ARHGEF1: variants seen among roughly 807,000 people sequenced by gnomAD.
ARHGEF1 encodes the protein 115 kDa guanine nucleotide exchange factor.
Under a neutral mutation model 119.7 loss-of-function variants are expected in ARHGEF1, and 40 were observed. The observed-to-expected ratio is 0.33, with a 90% confidence interval of 0.26 to 0.44. ARHGEF1 has a LOEUF of 0.44. Ranked by LOEUF, ARHGEF1 falls within the 20% of genes least tolerant of loss-of-function variation. ARHGEF1 has a pLI of 1.00. For synonymous variants in ARHGEF1, 494 were observed against 521.0 expected (o/e 0.95, Z 0.71); for missense variants, 976 against 1,268.3 (o/e 0.77, Z 3.50).
At position 41,888,049 on chromosome 19, in the gene ARHGEF1, C is replaced by T; in HGVS notation, c.-19-15C>T. 3 of 1,611,778 alleles carry T rather than the reference C, an allele frequency of 1.9e-6. No homozygotes were observed. Among genetic ancestry groups the T allele is most frequent in the Non-Finnish European group, 8.5e-7 (1 of 1,179,688 alleles). On this transcript the variant is annotated splice_polypyrimidine_tract_variant and intron_variant, in intron 1 of 28. Transcript: ENST00000354532. The surrounding 1 kb of genome is among the most constrained non-coding windows in gnomAD (Gnocchi z 5.1). ...CCTCCCACCCTCCTAACCACAGCCC[C>T]TCCTCTTCCTCCAGCCCTGCAGAGC...
At position 41,905,763 on chromosome 19, in the gene ARHGEF1, C is replaced by T; in HGVS notation, c.2340C>T (p.Thr780=). The change falls in exon 25 of 29, where the codon ACC becomes ACT. Residue 780 remains threonine, a synonymous_variant. Transcript: ENST00000354532. This position sits in a 1 kb window ranked among gnomAD's most constrained non-coding sequence, Gnocchi z 6.4. ...ACCCAGCACTTCCTCCCCTCAGCACCCGAGAACCCCTCCTCAGCAGCTCTG... is the reference window on the plus strand; with the variant it reads ...ACCCAGCACTTCCTCCCCTCAGCACTCGAGAACCCCTCCTCAGCAGCTCTG... ...RPKPRPSPSS[T]REPLLSSSEN... is the part of the protein sequence containing the mutation. 6.2e-7 allele frequency: 1 copy of T among 1,614,054 alleles called. No individual in the cohort carries two copies. Among genetic ancestry groups the T allele is most frequent in the Non-Finnish European group, 8.5e-7 (1 of 1,179,994 alleles).
At position 41,905,337 on chromosome 19, in the gene ARHGEF1, CCAGAACCGTCTCTGTGTGAG is replaced by C. The variant is rs2074672453; in HGVS notation, c.2336+79_2336+98del. ...GCGGGGCAGGCTTCCCTCCACAACT[CCAGAACCGTCTCTGTGTGAG>C]CATGCACATGTGTGAATGCATGTGT... On this transcript the variant is annotated intron_variant, in intron 24 of 28. Coordinates refer to ENST00000354532, the MANE Select transcript of ARHGEF1 (RefSeq NM_004706.4). This position sits in a 1 kb window ranked among gnomAD's most constrained non-coding sequence, Gnocchi z 6.4. 2.3e-6 allele frequency: 3 copies of C among 1,293,302 alleles called. No homozygotes were observed. The Admixed American group carries it at 6.3e-5, about 27-fold the overall frequency. The allele number at this position is 1,293,302 out of a possible 1,614,324, so 80.1% of individuals were successfully genotyped here.
chr19:41,904,414 G>T lies in ARHGEF1; in HGVS notation c.2161+31G>T. ...TGCAGCCACTGCATGGCCCAGGGCA[G>T]AGGGTGTCTTTTTTGGGCAGAGCTG... On this transcript the variant is annotated intron_variant, in intron 22 of 28. Coordinates refer to ENST00000354532, the MANE Select transcript of ARHGEF1 (RefSeq NM_004706.4). This position sits in a 1 kb window ranked among gnomAD's most constrained non-coding sequence, Gnocchi z 8.4. The T allele has an allele frequency of 6.6e-7, 1 of 1,520,376 alleles. No individual in the cohort carries two copies. The allele number at this position is 1,520,376 out of a possible 1,614,324, so 94.2% of individuals were successfully genotyped here.
chr19:41,888,017 G>T lies in ARHGEF1; in HGVS notation c.-19-47G>T, dbSNP rs782533138. 3.1e-6 allele frequency: 5 copies of T among 1,589,872 alleles called. No individual in the cohort carries two copies. The South Asian group carries it at 5.7e-5, about 18-fold the overall frequency. Reference sequence around the variant, plus strand: ...AGGAATCTGTGAGTAACCACCCTGGGCCGCCTCCTCCCACCCTCCTAACCA... The same window carrying T: ...AGGAATCTGTGAGTAACCACCCTGGTCCGCCTCCTCCCACCCTCCTAACCA... On this transcript the variant is annotated intron_variant, in intron 1 of 28. Coordinates refer to ENST00000354532, the MANE Select transcript of ARHGEF1 (RefSeq NM_004706.4). The surrounding 1 kb of genome is among the most constrained non-coding windows in gnomAD (Gnocchi z 5.1).
At chr19:41,907,058 T>TC in intron 28 of ARHGEF1, 47 bp from the exon 29 acceptor site, 1 of 1,437,348 alleles carries the variant, frequency 7.0e-7, no homozygotes, top group Non-Finnish European at 9.1e-7. Flanking sequence ...TCTCCCTGTC[T>TC]CTCTCTCCAT....
Position 41,892,703 on chromosome 19 carries a change from C to G in ARHGEF1, c.468C>G (p.Asp156Glu). 1 of 1,613,556 alleles carries G rather than the reference C, an allele frequency of 6.2e-7. No homozygotes were observed. Among genetic ancestry groups the G allele is most frequent in the Non-Finnish European group, 8.5e-7 (1 of 1,179,798 alleles). ...QQVAVGRQLE[D>E]FRSKRLMGMT... ...TAGCCGTGGGCCGGCAGCTGGAGGA[C>G]TTCCGTTCCAAGCGGCTCATGGGCA... Residue 156 changes from aspartate (D) to glutamate (E), a missense_variant, in exon 7 of 29, where the codon GAC becomes GAG. Physicochemically the swap from Asp to Glu is conservative, Grantham distance 45. Coordinates refer to ENST00000354532, the MANE Select transcript of ARHGEF1 (RefSeq NM_004706.4). The surrounding 1 kb of genome is among the most constrained non-coding windows in gnomAD (Gnocchi z 6.3).
intron 1 of ARHGEF1, among the ~76,000 whole-genome samples, chr19:41,926,786 C>T (rs1425750709): frequency 6.6e-6 from 1 of 152,176 alleles, no homozygotes; most frequent in East Asian, 1.9e-4. Context: ...ATCTCCAGAG[C>T]GACCGATCGA....
intron 9 of ARHGEF1, 31 bp downstream of exon 9, chr19:41,894,337 T>C (rs2074440760): frequency 6.6e-7 from 1 of 1,521,218 alleles, no homozygotes. Context: ...TCCTGACCCT[T>C]TCCTCTCCAG....
At chr19:41,893,824 G>A (rs1271570549) in intron 8 of ARHGEF1, among the ~76,000 whole-genome samples, 2 of 78,424 alleles carry the variant, frequency 2.6e-5, no homozygotes, top group Non-Finnish European at 4.2e-5. Context: ...GGGGGCTGGG[G>A]GCCTGGACTC....
chr19:41,888,935 C>A lies in ARHGEF1; in HGVS notation c.225+70C>A. The A allele has an allele frequency of 1.5e-6, 2 of 1,349,720 alleles. No individual in the cohort carries two copies. Among genetic ancestry groups the A allele is most frequent in the Admixed American group, 2.1e-5 (1 of 46,660 alleles). 83.6% of individuals were successfully genotyped at this position (1,349,720 alleles called of 1,614,324 possible). On this transcript the variant is annotated intron_variant, in intron 4 of 28. Transcript: ENST00000354532. The surrounding 1 kb of genome is among the most constrained non-coding windows in gnomAD (Gnocchi z 5.1). ...CAGGCACAGCTTTTAGCGAATTAAACCAGCGAGCTAGTGCCTGGAGGGTCT... is the reference window on the plus strand; with the variant it reads ...CAGGCACAGCTTTTAGCGAATTAAAACAGCGAGCTAGTGCCTGGAGGGTCT...
Position 41,906,638 on chromosome 19 carries a change from A to AG in ARHGEF1, c.2655+22dup, listed in dbSNP as rs782785699. On this transcript the variant is annotated intron_variant, in intron 27 of 28. Transcript: ENST00000354532. This position sits in a 1 kb window ranked among gnomAD's most constrained non-coding sequence, Gnocchi z 4.5. ...AGCTGGAGGTGGGGCGGGACGGGCCAGGGGTGCCCTGAGTGGGCTGGGGAA... is the reference window on the plus strand; with the variant it reads ...AGCTGGAGGTGGGGCGGGACGGGCCAGGGGGTGCCCTGAGTGGGCTGGGGAA... 2.5e-6 allele frequency: 4 copies of AG among 1,593,182 alleles called. No homozygotes were observed. In the East Asian group the frequency reaches 6.7e-5, roughly 27 times the overall value.
intron 18 of ARHGEF1, among the ~76,000 whole-genome samples, chr19:41,914,306 T>A (rs1555851565): frequency 6.6e-6 from 1 of 150,634 alleles, no homozygotes; most frequent in African/African-American, 2.5e-5. Flanking sequence ...ACTTGGTCTC[T>A]TCTCCCTTCC....
At chr19:41,924,453 C>T (rs1289078460) in intron 1 of ARHGEF1, among the ~76,000 whole-genome samples, 1 of 152,046 alleles carries the variant, frequency 6.6e-6, no homozygotes, top group Non-Finnish European at 1.5e-5. Context: ...GTGTGAAGAA[C>T]TTGGTGTCTG....
chr19:41,928,654 A>C (rs1453884966), intron 1 of ARHGEF1: 2 of 217,738 alleles, frequency 9.2e-6, no homozygotes, highest in African/African-American at 2.3e-5. Flanking sequence ...AATTTTCCTC[A>C]AACTCGGAAA....
chr19:41,912,706 G>T, intron 18 of ARHGEF1: 3 of 399,468 alleles, frequency 7.5e-6, no homozygotes, highest in Non-Finnish European at 1.3e-5. Context: ...CTCAGAAGGG[G>T]TTTGATTTGG....
chr19:41,898,057 C>T (rs1555848276), intron 13 of ARHGEF1: 2 of 1,347,306 alleles, frequency 1.5e-6, no homozygotes, highest in East Asian at 3.0e-5. Flanking sequence ...CCCGGAGCGA[C>T]GTGGACATGG....
Position 41,889,805 on chromosome 19 carries a change from A to G in ARHGEF1, c.225+940A>G, listed in dbSNP as rs2074347917. ...GGAAATTGCAGTCTTTCCCCTGTCT[A>G]CATTCTCTTTCCAGAAGAGTGGTTC... On this transcript the variant is annotated intron_variant, in intron 4 of 28. Coordinates refer to ENST00000354532, the MANE Select transcript of ARHGEF1 (RefSeq NM_004706.4). The surrounding 1 kb of genome is among the most constrained non-coding windows in gnomAD (Gnocchi z 4.0). 1 of 152,272 alleles carries G rather than the reference A, an allele frequency of 6.6e-6. No individual in the cohort carries two copies. Among genetic ancestry groups the G allele is most frequent in the Non-Finnish European group, 1.5e-5 (1 of 68,050 alleles). The allele number at this position is 152,272 out of a possible 1,614,324, so 9.4% of individuals were successfully genotyped here. A position where few individuals can be genotyped will look rare whatever the true frequency, so the allele number is the denominator to read the frequency against.
downstream of ARHGEF1, chr19:41,910,239 A>C: frequency 2.5e-6 from 2 of 809,716 alleles, no homozygotes; most frequent in East Asian, 2.7e-5. This position sits in a 1 kb window ranked among gnomAD's most constrained non-coding sequence, Gnocchi z 4.4. Flanking sequence ...CACACTCCAA[A>C]CCTCCTCCCT....
rs368372670 is a variant in ARHGEF1, at chr19:41,888,174, T to C, written c.25-18T>C. The C allele has an allele frequency of 7.4e-6, 12 of 1,614,008 alleles. No homozygotes were observed. Among genetic ancestry groups the C allele is most frequent in the Middle Eastern group, 1.7e-4 (1 of 6,056 alleles). On this transcript the variant is annotated intron_variant, in intron 2 of 28. Transcript: ENST00000354532. This position sits in a 1 kb window ranked among gnomAD's most constrained non-coding sequence, Gnocchi z 5.1. ...GGTGGAGAGTCCTGTGGACTGAAGC[T>C]GCCCTCCCTTTCCACAGGCCTCCCC...
Sources: allele counts gnomAD v4.1 joint callset (sites outside exome capture counted in the v4.1 genomes callset), GRCh38; gene constraint gnomAD v4.1.1; non-coding constraint Gnocchi (gnomAD v3.1); transcripts MANE v1.5; gene names NCBI Gene and HGNC (gene_info 2026-07-23, HGNC 2026-07-21).